Variants in STS observed in about 807,000 individuals in gnomAD.
STS encodes the protein steryl-sulfatase.
STS carries 7 observed loss-of-function variants against 26.8 expected under a neutral mutation model. The observed-to-expected ratio is 0.26, with a 90% CI of 0.15 to 0.49. STS has a LOEUF of 0.49. STS is among the 20% of genes least tolerant of loss of function. The pLI is 0.98. For missense variants in STS, 434 were observed against 465.6 expected, an observed-to-expected ratio of 0.93 and a Z score of 0.63; for synonymous variants, 199 against 189.4, an observed-to-expected ratio of 1.05 and a Z score of -0.42.
intron 2 of STS, among the ~76,000 whole-genome samples, chrX:7,192,470 A>G (rs1569184927): frequency 9.0e-6 from 1 of 110,873 alleles, no homozygotes; most frequent in East Asian, 2.9e-4. Flanking sequence ...AGGCTGAGGC[A>G]GGATAATCGC....
chrX:7,215,901 T>G (rs1319948215), intron 2 of STS, among the ~76,000 whole-genome samples: 1 of 111,680 alleles, frequency 9.0e-6, no homozygotes, highest in East Asian at 2.8e-4. Context: ...CTCCTCTCAT[T>G]GTCCTATATT....
rs182174487 is a variant in STS at position 7,290,373 on chromosome X, T to C, written c.943+14286T>C. ...TCTGCTCCACTGATAATATTAATAC[T>C]ACTACTAATAAAGTTACTCGTTCTT... On this transcript the variant is annotated intron_variant, in intron 7 of 10. Transcript: ENST00000674429. Among the ~76,000 whole-genome samples the C allele has an allele frequency of 6.3e-4, 71 of 111,843 alleles. No homozygotes were observed. In the East Asian group the frequency reaches 0.014, roughly 23 times the overall value.
chrX:7,150,765 G>A (rs1932996949), intron 1 of STS, among the ~76,000 whole-genome samples: 1 of 111,009 alleles, frequency 9.0e-6, no homozygotes, highest in South Asian at 3.7e-4. Flanking sequence ...AAACTGAATG[G>A]TGAATGCTTC....
In STS at chrX:7,235,838, T is replaced by A. The variant is rs762717485; in HGVS notation, c.-4-17358T>A. ...GAAGTCCTAGCAGAGATATCCAATGTTGGTTATTACACACTTGTGTATGTG... is the reference window on the plus strand; with the variant it reads ...GAAGTCCTAGCAGAGATATCCAATGATGGTTATTACACACTTGTGTATGTG... On this transcript the variant is annotated intron_variant, in intron 2 of 10. Transcript: ENST00000674429. Among the ~76,000 whole-genome samples the A allele has an allele frequency of 5.4e-5, 6 of 112,063 alleles. No homozygotes were observed. The South Asian group carries it at 2.2e-3, about 42-fold the overall frequency.
intron 10 of STS, among the ~76,000 whole-genome samples, chrX:7,343,515 A>G (rs1218235493): frequency 1.8e-5 from 2 of 112,198 alleles, no homozygotes; most frequent in African/African-American, 3.2e-5. Context: ...CCTCAAAGCA[A>G]TGCTACCAGG....
In STS at chrX:7,350,177, G is replaced by A. The variant is rs1261809444; in HGVS notation, c.1653G>A (p.Lys551=). The A allele has an allele frequency of 8.3e-7, 1 of 1,210,447 alleles. No individual in the cohort carries two copies. The highest frequency in any genetic ancestry group is 1.1e-6 in the Non-Finnish European group (1 of 895,158). Residue 551 remains lysine (K), a synonymous_variant, in exon 11 of 11, where the codon AAG becomes AAA. Transcript: ENST00000674429. ...DQFSWNNFLW[K]PWLQLCCPST... ...TTTCATGGAACAACTTTCTTTGGAA[G>A]CCCTGGCTTCAGCTGTGCTGTCCTT...
intron 2 of STS, among the ~76,000 whole-genome samples, chrX:7,239,982 T>C (rs1459640310): frequency 9.5e-6 from 1 of 105,367 alleles, no homozygotes; most frequent in Admixed American, 1.1e-4. Context: ...CCTCCCAGGC[T>C]CAAGCGATTC....
Position 7,305,087 on chromosome X carries a change from G to A in STS, c.985G>A (p.Asp329Asn), listed in dbSNP as rs747161344. The change falls in exon 8 of 11, where the codon GAT becomes AAT. Residue 329 changes from aspartate to asparagine, a missense_variant. Around this residue, in one of 2 missense-constraint regions of STS, gnomAD observed 229 missense variants for 288.3 expected, o/e 0.79. Coordinates refer to ENST00000674429, the MANE Select transcript of STS (RefSeq NM_001320752.2). The part of the protein sequence containing the change: ...NLLDELRLAN[D>N]TLIYFTSDQG... ...TCTGGATGAGCTGAGATTGGCTAATGATACCCTCATCTACTTCACATCGGA... is the reference window on the plus strand; with the variant it reads ...TCTGGATGAGCTGAGATTGGCTAATAATACCCTCATCTACTTCACATCGGA... 1 of 1,211,084 alleles carries A rather than the reference G, an allele frequency of 8.3e-7. No homozygotes were observed. Among genetic ancestry groups the A allele is most frequent in the Non-Finnish European group, 1.1e-6 (1 of 894,926 alleles).
chrX:7,278,131 T>A (rs947150445), intron 7 of STS, among the ~76,000 whole-genome samples: 14 of 112,602 alleles, frequency 1.2e-4, no homozygotes, highest in Admixed American at 6.6e-4. Flanking sequence ...GATTTATAGA[T>A]GTTTGTGTTG....
chrX:7,335,025 G>A (rs1328182256), intron 10 of STS, among the ~76,000 whole-genome samples: 1 of 112,424 alleles, frequency 8.9e-6, no homozygotes, highest in African/African-American at 3.2e-5. Context: ...CAATTGGGTT[G>A]GTTCCAAGTC....
At chrX:7,344,407 G>A (rs866300703) in intron 10 of STS, among the ~76,000 whole-genome samples, 2 of 111,497 alleles carry the variant, frequency 1.8e-5, no homozygotes, top group South Asian at 7.7e-4. Flanking sequence ...GACACGGCCA[G>A]AGGTTCAGGA....
intron 2 of STS, among the ~76,000 whole-genome samples, chrX:7,210,809 C>G (rs2147038572): frequency 1.8e-5 from 2 of 109,755 alleles, no homozygotes; most frequent in South Asian, 7.5e-4. Context: ...AGATCTCTAG[C>G]TTTGGATAGA....
rs142421387 is a variant in STS, at chrX:7,280,628, G to A, written c.943+4541G>A. Among the ~76,000 whole-genome samples the A allele has an allele frequency of 8.5e-3, 952 of 111,774 alleles. 6 individuals carry two copies. Among genetic ancestry groups the A allele is most frequent in the Non-Finnish European group, 0.013 (717 of 53,188 alleles). ...TTTTCATAGACCTGTTCATGGTTGG[G>A]GGTCAGGTGGAAGGATGGATGTAGT... On this transcript the variant is annotated intron_variant, in intron 7 of 10. Transcript: ENST00000674429.
At chrX:7,149,816 G>A (rs778226104) in intron 1 of STS, among the ~76,000 whole-genome samples, 2 of 111,114 alleles carry the variant, frequency 1.8e-5, no homozygotes, top group South Asian at 7.6e-4. Context: ...TTGTCCTATC[G>A]TCTTCCCTCT....
In STS at chrX:7,188,694, G is replaced by A. The variant is rs373538690; in HGVS notation, c.-133-2186G>A. On this transcript the variant is annotated intron_variant, in intron 1 of 10. Transcript: ENST00000674429. ...GGTTGGTAAGCACTGAGTATCAAGTGTGGGTCAAAGAGCTTCCATGCTGAT... is the reference window on the plus strand; with the variant it reads ...GGTTGGTAAGCACTGAGTATCAAGTATGGGTCAAAGAGCTTCCATGCTGAT... 2.9e-4 allele frequency among the ~76,000 whole-genome samples: 32 copies of A among 111,901 alleles called. No individual in the cohort carries two copies. The South Asian group carries it at 0.011, about 40-fold the overall frequency.
chrX:7,322,008 C>A (rs1319991332), intron 8 of STS, among the ~76,000 whole-genome samples: 3 of 112,375 alleles, frequency 2.7e-5, no homozygotes, highest in Non-Finnish European at 5.6e-5. Context: ...GGAAAACTGC[C>A]CCTTTGCCCT....
chrX:7,170,062 C>CT (rs1454200988), intron 1 of STS, among the ~76,000 whole-genome samples: 2 of 111,283 alleles, frequency 1.8e-5, no homozygotes, highest in African/African-American at 6.5e-5. Context: ...GTTCTGGGTG[C>CT]TTTGAGGATA....
At position 7,147,735 on chromosome X, in the gene STS, C is replaced by A. The variant is rs1932901241; in HGVS notation, c.-482C>A. ...TCGCTCTGAGGAGAGGACGCGGAGC[C>A]GCGCGCCCGCCCGGTGGACCCCAGG... On this transcript the variant is annotated 5_prime_UTR_variant, in exon 1 of 11. Coordinates refer to ENST00000674429, the MANE Select transcript of STS (RefSeq NM_001320752.2). 8.9e-6 allele frequency: 1 copy of A among 112,963 alleles called. No individual in the cohort carries two copies. 9.3% of individuals were successfully genotyped at this position (112,963 alleles called of 1,213,427 possible).
intron 3 of STS, among the ~76,000 whole-genome samples, chrX:7,254,326 G>A (rs919551213): frequency 1.3e-4 from 14 of 111,748 alleles, no homozygotes; most frequent in Admixed American, 5.7e-4. Flanking sequence ...CTCCCTCTGC[G>A]TAAAATCAAC....
Sources: gnomAD v4.1 joint callset for allele counts (sites outside exome capture counted in the v4.1 genomes callset) on GRCh38, gnomAD v4.1.1 for gene constraint, gnomAD v4.1.1 regional missense constraint, MANE v1.5 for transcripts, NCBI Gene and HGNC (gene_info 2026-07-23, HGNC 2026-07-21) for gene names.